The following CHST9 variants were observed in gnomAD, a reference collection of about 807,000 sequenced individuals.
The protein encoded by CHST9 is GalNAc-4-sulfotransferase 2.
Under a neutral mutation model 44.4 loss-of-function variants are expected in CHST9, and 41 were observed. The observed-to-expected ratio is 0.92, with a 90% CI of 0.72 to 1.20. The LOEUF is 1.20. CHST9 is among the 50% of genes most tolerant of loss of function. CHST9 has a pLI of 0.00. For missense variants in CHST9, 504 were observed against 516.5 expected (o/e 0.98, Z 0.23); for synonymous variants, 171 against 178.4 (o/e 0.96, Z 0.33).
rs2055495004 is a variant in CHST9 at position 26,915,104 on chromosome 18, G to A, written c.*1155C>T. The A allele has an allele frequency of 2.5e-6, 1 of 395,842 alleles. No individual in the cohort carries two copies. 24.5% of individuals were successfully genotyped at this position (395,842 alleles called of 1,614,324 possible). A position where few individuals can be genotyped will look rare whatever the true frequency, so the allele number is the denominator to read the frequency against. On this transcript the variant is annotated 3_prime_UTR_variant, in exon 6 of 6. Transcript: ENST00000618847. Reference sequence around the variant, plus strand: ...CTTTGATTTAATATTTGAATGCAATGGTATCTGACTTTGTTAGTATAGAAT... The same window carrying A: ...CTTTGATTTAATATTTGAATGCAATAGTATCTGACTTTGTTAGTATAGAAT...
intron 4 of CHST9, among the ~76,000 whole-genome samples, chr18:26,977,427 A>T (rs1213964528): frequency 3.0e-5 from 1 of 32,848 alleles, no homozygotes; most frequent in East Asian, 3.5e-3. Context: ...GTCACTTGTA[A>T]AAAAAAAAAA....
At chr18:27,032,750 A>G (rs1472167636) in intron 3 of CHST9, among the ~76,000 whole-genome samples, 2 of 152,194 alleles carry the variant, frequency 1.3e-5, no homozygotes, top group African/African-American at 4.8e-5. Context: ...ATCTCACTTA[A>G]TCCTTATTAA....
intron 4 of CHST9, among the ~76,000 whole-genome samples, chr18:27,011,902 C>T (rs1485790501): frequency 1.3e-5 from 2 of 152,174 alleles, no homozygotes; most frequent in Admixed American, 1.3e-4. Flanking sequence ...ACACTGGATC[C>T]GAAGTTTAGA....
At chr18:27,162,880 G>C (rs1045192713) in intron 1 of CHST9, among the ~76,000 whole-genome samples, 17 of 152,218 alleles carry the variant, frequency 1.1e-4, no homozygotes, top group African/African-American at 1.7e-4. Context: ...TGGAGGAGGA[G>C]AGGCGCTCTG....
intron 1 of CHST9, among the ~76,000 whole-genome samples, chr18:27,165,579 T>C (rs1219776420): frequency 2.6e-5 from 4 of 152,100 alleles, no homozygotes; most frequent in African/African-American, 9.7e-5. Flanking sequence ...GCACCAAATA[T>C]AAAAGTTCAC....
intron 4 of CHST9, among the ~76,000 whole-genome samples, chr18:27,019,689 C>CA (rs60043018): frequency 0.022 from 2,009 of 90,872 alleles, 53 homozygotes; most frequent in African/African-American, 0.054. Context: ...CACTACATGG[C>CA]AAAAAAAAAA....
At chr18:27,016,943 T>C (rs2057162207) in intron 4 of CHST9, among the ~76,000 whole-genome samples, 2 of 152,190 alleles carry the variant, frequency 1.3e-5, no homozygotes, top group African/African-American at 2.4e-5. Flanking sequence ...AAATCATATG[T>C]TCTGCCTCCC....
intron 4 of CHST9, among the ~76,000 whole-genome samples, chr18:26,991,357 A>T (rs2056814498): frequency 6.6e-6 from 1 of 152,250 alleles, no homozygotes; most frequent in Admixed American, 6.5e-5. Flanking sequence ...AACTGTAAGT[A>T]AGAATGAAGA....
At chr18:27,105,098 T>C (rs1040910911) in intron 2 of CHST9, among the ~76,000 whole-genome samples, 1 of 152,028 alleles carries the variant, frequency 6.6e-6, no homozygotes, top group African/African-American at 2.4e-5. Context: ...TCTTTGTTAG[T>C]GACATTTGAA....
At chr18:27,057,692 T>C (rs1303258451) in intron 2 of CHST9, among the ~76,000 whole-genome samples, 2 of 152,230 alleles carry the variant, frequency 1.3e-5, no homozygotes, top group African/African-American at 4.8e-5. Flanking sequence ...AGATCTGGGC[T>C]TCTGAGGTCG....
intron 4 of CHST9, among the ~76,000 whole-genome samples, chr18:26,956,038 T>C (rs1015839003): frequency 6.6e-6 from 1 of 152,118 alleles, no homozygotes; most frequent in African/African-American, 2.4e-5. Context: ...GATTCACGCC[T>C]ATACTCCCAG....
intron 4 of CHST9, among the ~76,000 whole-genome samples, chr18:26,973,517 G>A (rs543052588): frequency 1.5e-4 from 23 of 152,366 alleles, no homozygotes; most frequent in South Asian, 1.2e-3. Flanking sequence ...GGCGGCATGC[G>A]GCCCAGAATG....
chr18:26,977,570 A>G (rs1351196580), intron 4 of CHST9, among the ~76,000 whole-genome samples: 1 of 152,216 alleles, frequency 6.6e-6, no homozygotes, highest in Non-Finnish European at 1.5e-5. Flanking sequence ...AAAATAATCT[A>G]AAAGGTCTAG....
At chr18:26,930,749 G>C (rs2055862048) in intron 5 of CHST9, 1 of 153,730 alleles carries the variant, frequency 6.5e-6, no homozygotes, top group Admixed American at 6.5e-5. Flanking sequence ...TTACTCCCAA[G>C]AGCTGGTGTA....
At chr18:27,180,544 A>T (rs1567951908) in intron 1 of CHST9, among the ~76,000 whole-genome samples, 2 of 152,152 alleles carry the variant, frequency 1.3e-5, no homozygotes, top group South Asian at 4.1e-4. Context: ...TCATTCTGTG[A>T]CTATCACATA....
chr18:27,156,913 G>A (rs1230493390), intron 1 of CHST9, among the ~76,000 whole-genome samples: 1 of 152,122 alleles, frequency 6.6e-6, no homozygotes, highest in East Asian at 1.9e-4. Flanking sequence ...ATTAAACAGT[G>A]TCTAGATATA....
intron 2 of CHST9, among the ~76,000 whole-genome samples, chr18:27,140,745 G>A (rs1430312101): frequency 6.6e-6 from 1 of 152,062 alleles, no homozygotes; most frequent in African/African-American, 2.4e-5. Flanking sequence ...TATGCTAAGG[G>A]TTATATTTCA....
At chr18:26,997,989 A>G (rs1265277740) in intron 4 of CHST9, among the ~76,000 whole-genome samples, 2 of 152,262 alleles carry the variant, frequency 1.3e-5, no homozygotes, top group South Asian at 2.1e-4. Context: ...CCCATTCTGC[A>G]TAGCTAGTAA....
intron 4 of CHST9, among the ~76,000 whole-genome samples, chr18:26,978,170 A>C (rs544007098): frequency 6.6e-6 from 1 of 152,012 alleles, no homozygotes; most frequent in African/African-American, 2.4e-5. Context: ...AATTCATAAC[A>C]AATTGTTCTA....
Sources: allele counts gnomAD v4.1 joint callset (sites outside exome capture counted in the v4.1 genomes callset), GRCh38; gene constraint gnomAD v4.1.1; transcripts MANE v1.5; gene names NCBI Gene and HGNC (gene_info 2026-07-23, HGNC 2026-07-21).